The following R3HDM2 variants were observed in gnomAD, a reference collection of about 807,000 sequenced individuals.
R3HDM2 encodes the protein R3H domain-containing protein 2.
In R3HDM2, 38 loss-of-function variants were observed where a neutral mutation model predicts 124.5. That is an observed-to-expected ratio of 0.31 (90% confidence interval 0.24 to 0.40). The LOEUF (loss-of-function observed/expected upper bound fraction) is 0.40. R3HDM2 is among the 10% of genes least tolerant of loss of function. The probability of loss-of-function intolerance (pLI) is 1.00; values close to 1 mark genes in which losing one functional copy is unlikely to be tolerated. For missense variants in R3HDM2, 869 were observed against 1,236.9 expected (o/e 0.70, Z 4.46); for synonymous variants, 391 against 448.0 (o/e 0.87, Z 1.61).
At chr12:57,338,581 G>A (rs1458521884) in intron 2 of R3HDM2, among the ~76,000 whole-genome samples, 2 of 152,130 alleles carry the variant, frequency 1.3e-5, no homozygotes, top group Admixed American at 1.3e-4. Flanking sequence ...TGGTAGAGAC[G>A]AGGTTTCACC....
chr12:57,378,284 G>C (rs1156262529), intron 2 of R3HDM2, among the ~76,000 whole-genome samples: 1 of 152,108 alleles, frequency 6.6e-6, no homozygotes, highest in Non-Finnish European at 1.5e-5. Context: ...CAAAAAAGTA[G>C]AGCCAATTTC....
intron 2 of R3HDM2, among the ~76,000 whole-genome samples, chr12:57,318,221 A>C (rs1244355261): frequency 6.6e-6 from 1 of 151,546 alleles, no homozygotes; most frequent in African/African-American, 2.4e-5. Context: ...GAACCCAGGA[A>C]GAGGAGGTTG....
intron 3 of R3HDM2, 83 bp from the exon 4 acceptor site, chr12:57,303,300 AG>A: frequency 6.3e-6 from 8 of 1,263,970 alleles, no homozygotes; most frequent in Non-Finnish European, 9.0e-6. Flanking sequence ...ATAAAGAAAA[AG>A]CACTAACTGT....
intron 14 of R3HDM2, among the ~76,000 whole-genome samples, chr12:57,276,746 G>C (rs1233331447): frequency 2.6e-5 from 4 of 152,116 alleles, no homozygotes; most frequent in Admixed American, 6.5e-5. Flanking sequence ...AATTAGCTGG[G>C]CGTGGTGGTG....
intron 1 of R3HDM2, among the ~76,000 whole-genome samples, chr12:57,400,450 G>A (rs1292876600): frequency 6.6e-6 from 1 of 151,856 alleles, no homozygotes; most frequent in African/African-American, 2.4e-5. Context: ...GGGGGAAGGG[G>A]GAGGGATAGC....
intron 2 of R3HDM2, among the ~76,000 whole-genome samples, chr12:57,348,033 A>C (rs1321779203): frequency 6.6e-6 from 1 of 152,230 alleles, no homozygotes; most frequent in East Asian, 1.9e-4. Flanking sequence ...CTAAGGAAGA[A>C]AAATCTTTTT....
chr12:57,357,264 C>T (rs2061403913), intron 2 of R3HDM2, among the ~76,000 whole-genome samples: 1 of 151,990 alleles, frequency 6.6e-6, no homozygotes, highest in Admixed American at 6.6e-5. Context: ...GAATTTGAGA[C>T]CAGCCTGGCC....
At chr12:57,420,218 T>G (rs1207533893) in intron 1 of R3HDM2, among the ~76,000 whole-genome samples, 1 of 152,156 alleles carries the variant, frequency 6.6e-6, no homozygotes, top group Non-Finnish European at 1.5e-5. Context: ...TATGCTCGAG[T>G]TTGTCATCTT....
At chr12:57,301,136 A>T (rs1366079039) in intron 4 of R3HDM2, among the ~76,000 whole-genome samples, 6 of 151,856 alleles carry the variant, frequency 4.0e-5, no homozygotes, top group African/African-American at 7.3e-5. Flanking sequence ...AAAAAAAAAT[A>T]AAAAAAAGAG....
At chr12:57,308,789 T>C (rs1052900567) in intron 3 of R3HDM2, among the ~76,000 whole-genome samples, 2 of 152,212 alleles carry the variant, frequency 1.3e-5, no homozygotes, top group African/African-American at 2.4e-5. Context: ...CTCCTAAGAA[T>C]AGAATAACTT....
At chr12:57,424,114 C>A (rs369992550) in intron 1 of R3HDM2, among the ~76,000 whole-genome samples, 33 of 63,870 alleles carry the variant, frequency 5.2e-4, no homozygotes, top group African/African-American at 9.4e-4. Flanking sequence ...AACTCTGTCT[C>A]AAAAAAAAAA....
chr12:57,272,486 A>G, intron 14 of R3HDM2: 2 of 1,550,686 alleles, frequency 1.3e-6, no homozygotes. Context: ...AGACTGGCAG[A>G]AGGACTTGGG....
At chr12:57,387,980 A>T (rs1594322888) in intron 2 of R3HDM2, among the ~76,000 whole-genome samples, 1 of 93,762 alleles carries the variant, frequency 1.1e-5, no homozygotes, top group African/African-American at 3.8e-5. Flanking sequence ...TTTTTTTTTA[A>T]AAAGACAAAG....
chr12:57,381,189 C>G (rs1049269631), intron 2 of R3HDM2, among the ~76,000 whole-genome samples: 2 of 151,912 alleles, frequency 1.3e-5, no homozygotes, highest in Non-Finnish European at 2.9e-5. Context: ...TGATATCACG[C>G]CATTGCACTC....
chr12:57,424,560 C>T (rs147206796), intron 1 of R3HDM2, among the ~76,000 whole-genome samples: 10 of 152,304 alleles, frequency 6.6e-5, no homozygotes, highest in Non-Finnish European at 1.3e-4. Context: ...TTTCACAAGT[C>T]TGACCCACCC....
intron 1 of R3HDM2, among the ~76,000 whole-genome samples, chr12:57,400,731 A>G (rs2067972151): frequency 6.6e-6 from 1 of 152,160 alleles, no homozygotes; most frequent in African/African-American, 2.4e-5. Context: ...TTTCAGGTCA[A>G]TATTAGTAAC....
At chr12:57,256,358 CA>C in intron 22 of R3HDM2, 55 bp downstream of exon 22, 2 of 1,386,246 alleles carry the variant, frequency 1.4e-6, no homozygotes, top group Non-Finnish European at 2.0e-6. Context: ...CAGACACAGG[CA>C]CCCAAATAAG....
intron 2 of R3HDM2, among the ~76,000 whole-genome samples, chr12:57,361,377 A>AC: frequency 1.1e-4 from 1 of 9,020 alleles, no homozygotes; most frequent in South Asian, 0.019. Flanking sequence ...CTCTGTCTCA[A>AC]AAAAAAAAAA....
At chr12:57,375,038 T>G (rs2063868994) in intron 2 of R3HDM2, among the ~76,000 whole-genome samples, 1 of 150,666 alleles carries the variant, frequency 6.6e-6, no homozygotes, top group African/African-American at 2.4e-5. Context: ...TGAAGTGACA[T>G]TCACATAAAA....
Sources: allele counts gnomAD v4.1 joint callset (sites outside exome capture counted in the v4.1 genomes callset), GRCh38; gene constraint gnomAD v4.1.1; transcripts MANE v1.5; gene names NCBI Gene and HGNC (gene_info 2026-07-23, HGNC 2026-07-21).